ZCCHC2: variants seen among roughly 807,000 people sequenced by gnomAD.
The protein encoded by ZCCHC2 is zinc finger CCHC-type containing 2.
ZCCHC2 carries 39 observed loss-of-function variants against 103.6 expected under a neutral mutation model. The observed-to-expected ratio is 0.38, with a 90% CI of 0.29 to 0.49. The LOEUF is 0.49. ZCCHC2 is among the 20% of genes least tolerant of loss of function. The probability of loss-of-function intolerance (pLI) is 0.96; values close to 1 mark genes in which losing one functional copy is unlikely to be tolerated. For synonymous variants in ZCCHC2, 687 were observed against 608.9 expected (o/e 1.13, Z -1.89); for missense variants, 1,483 against 1,491.0 (o/e 0.99, Z 0.09).
rs1303855927 is a variant in ZCCHC2 at position 62,575,554 on chromosome 18, A to ATCACAAT, written c.3469+5_3469+11dup. On this transcript the variant is annotated splice_donor_region_variant and intron_variant, in intron 13 of 13. Transcript: ENST00000269499. ...TCCATGGAGGCCAATCAACAAGGTA[A>ATCACAAT]TCACAATAACTCCCAGAGGACTTGT... 6.2e-7 allele frequency: 1 copy of ATCACAAT among 1,611,500 alleles called. No homozygotes were observed.
rs1452216546 is a variant in ZCCHC2, at chr18:62,523,309, C to G, written c.-116C>G. The G allele has an allele frequency of 2.1e-6, 2 of 973,114 alleles. No homozygotes were observed. The highest frequency in any genetic ancestry group is 1.8e-5 in the African/African-American group (1 of 56,708). 60.3% of individuals were successfully genotyped at this position (973,114 alleles called of 1,614,324 possible). ...ACCCGCCCCCGGCCCCGGCCCTCCCCCGGCGGCATGGAGGGGCCCCGCTCC... is the reference window on the plus strand; with the variant it reads ...ACCCGCCCCCGGCCCCGGCCCTCCCGCGGCGGCATGGAGGGGCCCCGCTCC... On this transcript the variant is annotated 5_prime_UTR_variant, in exon 1 of 14. Transcript: ENST00000269499.
intron 1 of ZCCHC2, among the ~76,000 whole-genome samples, chr18:62,535,428 T>A (rs1914877512): frequency 6.6e-6 from 1 of 152,212 alleles, no homozygotes; most frequent in Admixed American, 6.5e-5. Flanking sequence ...ACCCCCAAAC[T>A]TAGTGGTGTA....
intron 9 of ZCCHC2, among the ~76,000 whole-genome samples, chr18:62,564,263 ATAGTAGTAAACC>A (rs1176714859): frequency 6.6e-6 from 1 of 152,242 alleles, no homozygotes; most frequent in Non-Finnish European, 1.5e-5. Flanking sequence ...CTTGAAGAGA[ATAGTAGTAAACC>A]TACAGCAAGT....
chr18:62,574,968 A>G lies in ZCCHC2; in HGVS notation c.2887A>G (p.Thr963Ala). 1 of 1,613,826 alleles carries G rather than the reference A, an allele frequency of 6.2e-7. No individual in the cohort carries two copies. The highest frequency in any genetic ancestry group is 1.1e-5 in the South Asian group (1 of 91,068). The change falls in exon 13 of 14, where the codon ACC (threonine) becomes GCC (alanine). Residue 963 changes from threonine (T) to alanine (A), a missense_variant. Physicochemically the swap from Thr to Ala is moderately conservative, Grantham distance 58. This residue lies in a region of ZCCHC2 where 884 missense variants were observed against 907.5 expected (regional missense o/e 0.97). Transcript: ENST00000269499. ...GGCAACTGTTCCTCCTGCAGTTCCTACCCACACCCCAGGCCCTGCCCCGAG... is the reference window on the plus strand; with the variant it reads ...GGCAACTGTTCCTCCTGCAGTTCCTGCCCACACCCCAGGCCCTGCCCCGAG... Reference protein sequence around the residue: ...AQATVPPAVPTHTPGPAPSPS... With the variant: ...AQATVPPAVPAHTPGPAPSPS...
chr18:62,544,684 TCTAA>T, intron 3 of ZCCHC2, 114 bp from the exon 4 acceptor site: 1 of 769,462 alleles, frequency 1.3e-6, no homozygotes, highest in Non-Finnish European at 2.0e-6. Flanking sequence ...ACTTTATATT[TCTAA>T]CTGTTAATCT....
intron 11 of ZCCHC2, among the ~76,000 whole-genome samples, chr18:62,566,863 C>T (rs1158342135): frequency 6.6e-6 from 1 of 152,204 alleles, no homozygotes; most frequent in Non-Finnish European, 1.5e-5. Context: ...TTCCAAGTAC[C>T]TAGGTGTTCA....
rs757201024 is a variant in ZCCHC2, at chr18:62,574,171, G to A, written c.2090G>A (p.Gly697Glu). The A allele has an allele frequency of 7.4e-6, 12 of 1,613,900 alleles. No individual in the cohort carries two copies. Among genetic ancestry groups the A allele is most frequent in the Admixed American group, 1.7e-5 (1 of 60,010 alleles). ...VKPPVQIASLGNENGNLLEDP... is the reference protein window; with the variant it reads ...VKPPVQIASLENENGNLLEDP... ...CCACCTGTTCAAATTGCTTCACTAG[G>A]AAATGAGAATGGAAACCTTTTAGAA... is the stretch of plus-strand genomic sequence containing the variant. Residue 697 changes from glycine to glutamate, a missense_variant, in exon 13 of 14, where the codon GGA (glycine) becomes GAA (glutamate). This residue lies in a region of ZCCHC2 where 884 missense variants were observed against 907.5 expected (regional missense o/e 0.97). Coordinates refer to ENST00000269499, the MANE Select transcript of ZCCHC2 (RefSeq NM_017742.6).
chr18:62,579,722 C>G (rs371003574), downstream of ZCCHC2, among the ~76,000 whole-genome samples: 16 of 151,980 alleles, frequency 1.1e-4, no homozygotes, highest in East Asian at 1.4e-3. Flanking sequence ...TTGTGTTAGT[C>G]TTTTCTTTTT....
chr18:62,543,900 G>A (rs764108117), intron 3 of ZCCHC2, among the ~76,000 whole-genome samples: 5 of 152,186 alleles, frequency 3.3e-5, no homozygotes, highest in Non-Finnish European at 7.3e-5. Context: ...ACAAGTAGCT[G>A]CTCCACAAAC....
chr18:62,582,194 A>G (rs1261896264), downstream of ZCCHC2, among the ~76,000 whole-genome samples: 1 of 152,218 alleles, frequency 6.6e-6, no homozygotes, highest in Non-Finnish European at 1.5e-5. Context: ...TATTTGAGGA[A>G]ATCCTCAGGT....
exon 15 of ZCCHC2, chr18:62,586,528 C>T (rs1052315): frequency 0.51 from 77,292 of 151,492 alleles, 20,607 homozygotes; most frequent in East Asian, 0.75. Flanking sequence ...AGCTGTATGA[C>T]TTAGTGCTGA....
In ZCCHC2 at chr18:62,575,059, G is replaced by A. The variant is rs758368427; in HGVS notation, c.2978G>A (p.Gly993Glu). The change falls in exon 13 of 14, where the codon GGG becomes GAG. Residue 993 changes from glycine (G) to glutamate (E), a missense_variant. By Grantham distance (98) the Gly-to-Glu change is moderately conservative. This residue lies in a region of ZCCHC2 where 884 missense variants were observed against 907.5 expected (regional missense o/e 0.97). Coordinates refer to ENST00000269499, the MANE Select transcript of ZCCHC2 (RefSeq NM_017742.6). Reference sequence around the variant, plus strand: ...AGCACCTCTTACATCAGTGCTGTGGGGAACACGAACGCTAATGGGACAGTA... The same window carrying A: ...AGCACCTCTTACATCAGTGCTGTGGAGAACACGAACGCTAATGGGACAGTA... ...SDSTSYISAV[G>E]NTNANGTVVP... The A allele has an allele frequency of 6.2e-7, 1 of 1,613,994 alleles. No homozygotes were observed. Among genetic ancestry groups the A allele is most frequent in the South Asian group, 1.1e-5 (1 of 91,084 alleles).
chr18:62,576,468 G>A (rs760616590), intron 13 of ZCCHC2, 44 bp from the exon 14 acceptor site: 32 of 1,550,702 alleles, frequency 2.1e-5, no homozygotes, highest in Non-Finnish European at 2.7e-5. Context: ...TTGTGATGAC[G>A]TTTGCTTGTA....
chr18:62,552,154 C>G (rs999980856), intron 5 of ZCCHC2: 1 of 152,246 alleles, frequency 6.6e-6, no homozygotes, highest in Non-Finnish European at 1.5e-5. Flanking sequence ...AAGACACGGC[C>G]TCAGGGCAGG....
At position 62,523,376 on chromosome 18, in the gene ZCCHC2, G is replaced by GCGGGGCCCCCC; in HGVS notation, c.-48_-47insGGGGCCCCCCC. 9.9e-7 allele frequency: 1 copy of GCGGGGCCCCCC among 1,012,356 alleles called. No individual in the cohort carries two copies. The highest frequency in any genetic ancestry group is 1.2e-6 in the Non-Finnish European group (1 of 848,992). The allele number at this position is 1,012,356 out of a possible 1,614,324, so 62.7% of individuals were successfully genotyped here. On this transcript the variant is annotated 5_prime_UTR_variant, in exon 1 of 14. Transcript: ENST00000269499. ...GCCTCGGCCCGTGCTCCACCTCGCG[G>GCGGGGCCCCCC]CCCCTCCCGCCCGCCCCCGCTCGCA... is the stretch of plus-strand genomic sequence containing the variant.
chr18:62,529,964 A>G (rs1914611645), intron 1 of ZCCHC2, among the ~76,000 whole-genome samples: 1 of 152,190 alleles, frequency 6.6e-6, no homozygotes, highest in Non-Finnish European at 1.5e-5. Flanking sequence ...CATAGCATCT[A>G]TGTTGTGTTA....
intron 12 of ZCCHC2, among the ~76,000 whole-genome samples, chr18:62,570,929 G>A (rs1007462034): frequency 6.6e-6 from 1 of 152,206 alleles, no homozygotes; most frequent in African/African-American, 2.4e-5. Flanking sequence ...TCAGCCAGCA[G>A]TGAGAGCTTA....
chr18:62,552,732 A>T (rs921806796), intron 5 of ZCCHC2, among the ~76,000 whole-genome samples: 115 of 152,096 alleles, frequency 7.6e-4, no homozygotes, highest in African/African-American at 2.5e-3. Flanking sequence ...TACAAAAAAA[A>T]TTTTTTAATT....
chr18:62,544,331 C>T (rs7234889), intron 3 of ZCCHC2, among the ~76,000 whole-genome samples: 23,317 of 152,180 alleles, frequency 0.15, 2,315 homozygotes, highest in Non-Finnish European at 0.22. Flanking sequence ...GATGAAATCT[C>T]TTCGAACCAT....
Sources: allele counts gnomAD v4.1 joint callset (sites outside exome capture counted in the v4.1 genomes callset), GRCh38; gene constraint gnomAD v4.1.1; regional missense constraint gnomAD v4.1.1; transcripts MANE v1.5; gene names NCBI Gene and HGNC (gene_info 2026-07-23, HGNC 2026-07-21).